CSRP1: variants seen among roughly 807,000 people sequenced by gnomAD.
CSRP1 encodes the protein cysteine and glycine-rich protein 1.
Under a neutral mutation model 25.4 loss-of-function variants are expected in CSRP1, and 16 were observed. The ratio of observed to expected loss-of-function variants is 0.63; its 90% CI spans 0.43 to 0.96. The LOEUF (loss-of-function observed/expected upper bound fraction) is 0.96. Ranked by LOEUF, CSRP1 falls within the 40% of genes least tolerant of loss-of-function variation. CSRP1 has a pLI of 0.00. For synonymous variants in CSRP1, 97 were observed against 95.3 expected (o/e 1.02, Z -0.10); for missense variants, 212 against 243.6 (o/e 0.87, Z 0.86).
At chr1:201,494,091 C>A (rs916282405) in intron 2 of CSRP1, among the ~76,000 whole-genome samples, 2 of 152,022 alleles carry the variant, frequency 1.3e-5, no homozygotes, top group African/African-American at 4.8e-5. Context: ...CACCCCCGCA[C>A]CCCGCCAAGA....
At chr1:201,489,580 G>A (rs575381108) in intron 3 of CSRP1, 61 of 155,886 alleles carry the variant, frequency 3.9e-4, no homozygotes, top group African/African-American at 1.4e-3. Flanking sequence ...GTGTGGCAAC[G>A]GTGCTGCCCT....
At chr1:201,488,810 G>T (rs753908268) in intron 4 of CSRP1, 45 bp downstream of exon 4, 2 of 1,602,332 alleles carry the variant, frequency 1.2e-6, no homozygotes, top group Non-Finnish European at 1.7e-6. Flanking sequence ...CACATTTCAG[G>T]AAGATATCTC....
chr1:201,493,773 TC>T (rs1189374387), intron 2 of CSRP1, among the ~76,000 whole-genome samples: 1 of 152,164 alleles, frequency 6.6e-6, no homozygotes, highest in Admixed American at 6.5e-5. Context: ...GGCTAGCCTC[TC>T]CCTTCCTCGG....
chr1:201,487,432 CA>C (rs5780073), intron 4 of CSRP1: 149,497 of 152,452 alleles, frequency 0.98, 73,320 homozygotes, highest in East Asian at 1. Context: ...AACAAACAAA[CA>C]AAAAAAAACT....
intron 1 of CSRP1, among the ~76,000 whole-genome samples, chr1:201,498,627 T>A (rs543166588): frequency 1.3e-5 from 2 of 152,328 alleles, no homozygotes; most frequent in South Asian, 4.1e-4. Context: ...GACACGGGCC[T>A]CAGCTCAAGA....
rs1158637604 is a variant in CSRP1, at chr1:201,484,038, C to T, written c.*675G>A. ...GAACTAGATGTTTGAGAAGATCAAA[C>T]AACATCCTGACTTTGGGGTCCTTAA... On this transcript the variant is annotated 3_prime_UTR_variant, in exon 6 of 6. Coordinates refer to ENST00000340006, the MANE Select transcript of CSRP1 (RefSeq NM_004078.3). 1.4e-6 allele frequency: 1 copy of T among 697,040 alleles called. No individual in the cohort carries two copies. The highest frequency in any genetic ancestry group is 1.5e-5 in the South Asian group (1 of 67,326). The allele number at this position is 697,040 out of a possible 1,614,324, so 43.2% of individuals were successfully genotyped here.
chr1:201,498,056 T>G (rs1350223668), intron 1 of CSRP1, among the ~76,000 whole-genome samples: 3 of 149,124 alleles, frequency 2.0e-5, no homozygotes, highest in Non-Finnish European at 3.0e-5. Context: ...GTATGTCTGG[T>G]GATTAAATGA....
At chr1:201,492,118 T>C (rs1307742049) in intron 2 of CSRP1, 1 of 152,220 alleles carries the variant, frequency 6.6e-6, no homozygotes, top group Non-Finnish European at 1.5e-5. Context: ...AAGTCAGGAA[T>C]TGGCCTGGAA....
intron 1 of CSRP1, among the ~76,000 whole-genome samples, chr1:201,502,335 G>A (rs1350440960): frequency 1.3e-5 from 2 of 152,242 alleles, no homozygotes; most frequent in Non-Finnish European, 1.5e-5. Context: ...GTGGACAGGA[G>A]GGCTGGCATC....
intron 2 of CSRP1, chr1:201,490,610 C>T (rs1664310723): frequency 5.2e-6 from 2 of 386,748 alleles, no homozygotes; most frequent in Non-Finnish European, 9.6e-6. Context: ...TGGTCCTCTG[C>T]ACCCCTAAAC....
At chr1:201,488,787 A>C (rs1664230818) in intron 4 of CSRP1, 68 bp downstream of exon 4, 1 of 1,583,704 alleles carries the variant, frequency 6.3e-7, no homozygotes, top group East Asian at 2.3e-5. Context: ...ACCAATTTAA[A>C]AGTTCTGGAA....
At chr1:201,493,460 T>C (rs1351343859) in intron 2 of CSRP1, among the ~76,000 whole-genome samples, 5 of 152,262 alleles carry the variant, frequency 3.3e-5, no homozygotes, top group African/African-American at 4.8e-5. Flanking sequence ...AGTTCCCCCA[T>C]ACAAGCTCTC....
intron 1 of CSRP1, among the ~76,000 whole-genome samples, chr1:201,499,496 C>T (rs1278830061): frequency 6.6e-6 from 1 of 152,198 alleles, no homozygotes; most frequent in Non-Finnish European, 1.5e-5. Context: ...TACAGACCCA[C>T]ACAAGCTCTC....
intron 1 of CSRP1, among the ~76,000 whole-genome samples, chr1:201,499,095 C>A (rs1283215260): frequency 1.3e-5 from 2 of 152,226 alleles, no homozygotes; most frequent in African/African-American, 4.8e-5. Context: ...CCATTCCCAG[C>A]CTCTGATGTT....
In CSRP1 at chr1:201,484,073, T is replaced by C; in HGVS notation, c.*640A>G. On this transcript the variant is annotated 3_prime_UTR_variant, in exon 6 of 6. Transcript: ENST00000340006. ...ACTTTGGGGTCCTTAAGACCTGGGTTATTCTCCTCCCAGTCCTAGTGGGAG... is the reference window on the plus strand; with the variant it reads ...ACTTTGGGGTCCTTAAGACCTGGGTCATTCTCCTCCCAGTCCTAGTGGGAG... The C allele has an allele frequency of 1.4e-6, 1 of 690,158 alleles. No homozygotes were observed. Among genetic ancestry groups the C allele is most frequent in the Non-Finnish European group, 2.7e-6 (1 of 374,824 alleles). The allele number at this position is 690,158 out of a possible 1,614,324, so 42.8% of individuals were successfully genotyped here.
intron 4 of CSRP1, 113 bp downstream of exon 4, chr1:201,488,742 C>A: frequency 7.7e-7 from 1 of 1,295,172 alleles, no homozygotes; most frequent in Admixed American, 2.0e-5. Flanking sequence ...GAGGTTAAAC[C>A]CCAGTGCTCA....
chr1:201,490,129 G>C (rs778297380), intron 3 of CSRP1, 47 bp downstream of exon 3: 7 of 1,577,486 alleles, frequency 4.4e-6, no homozygotes, highest in East Asian at 2.3e-5. Flanking sequence ...AATACAGGGT[G>C]GGGGAGAGAG....
rs1558305422 is a variant in CSRP1, at chr1:201,484,689, A to T, written c.*24T>A. The T allele has an allele frequency of 6.2e-7, 1 of 1,600,622 alleles. No individual in the cohort carries two copies. The highest frequency in any genetic ancestry group is 8.5e-7 in the Non-Finnish European group (1 of 1,172,526). ...GGCGATGAAAAGCGCAGGAGTGGGC[A>T]GGGTGTGGTGGGTGATGGTGGCCTC... On this transcript the variant is annotated 3_prime_UTR_variant, in exon 6 of 6. Coordinates refer to ENST00000340006, the MANE Select transcript of CSRP1 (RefSeq NM_004078.3).
chr1:201,496,424 G>A (rs1664517510), intron 1 of CSRP1, 120 bp from the exon 2 acceptor site: 1 of 837,236 alleles, frequency 1.2e-6, no homozygotes, highest in East Asian at 2.6e-5. Flanking sequence ...TAGAATGCCT[G>A]GGGGGCCACC....
Sources: gnomAD v4.1 joint callset for allele counts (sites outside exome capture counted in the v4.1 genomes callset) on GRCh38, gnomAD v4.1.1 for gene constraint, MANE v1.5 for transcripts, NCBI Gene and HGNC (gene_info 2026-07-23, HGNC 2026-07-21) for gene names.